Variants in HPSE2 observed in about 807,000 individuals in gnomAD.
The protein encoded by HPSE2 is inactive heparanase-2.
In HPSE2, 38 loss-of-function variants were observed where a neutral mutation model predicts 60.5. The observed-to-expected ratio is 0.63, with a 90% CI of 0.48 to 0.82. The LOEUF (loss-of-function observed/expected upper bound fraction) is 0.82, where lower values mean the gene tolerates loss of function less well. Ranked by LOEUF, HPSE2 falls within the 40% of genes least tolerant of loss-of-function variation. The pLI, the probability that HPSE2 is intolerant of heterozygous loss-of-function variation, is 0.00. For synonymous variants in HPSE2, 295 were observed against 293.2 expected (o/e 1.01, Z -0.06); for missense variants, 713 against 740.4 (o/e 0.96, Z 0.43).
intron 3 of HPSE2, among the ~76,000 whole-genome samples, chr10:99,138,744 C>T (rs111418009): frequency 0.017 from 2,513 of 151,996 alleles, 62 homozygotes; most frequent in African/African-American, 0.057. Context: ...GCCTTTTGGG[C>T]GATGGGGGGC....
At chr10:98,718,321 C>T (rs968744482) in intron 5 of HPSE2, among the ~76,000 whole-genome samples, 5 of 152,126 alleles carry the variant, frequency 3.3e-5, no homozygotes, top group African/African-American at 2.4e-5. Flanking sequence ...ATACTAAATA[C>T]GAACATGAAG....
intron 3 of HPSE2, among the ~76,000 whole-genome samples, chr10:99,103,665 C>G (rs1003976688): frequency 4.6e-5 from 7 of 152,242 alleles, no homozygotes; most frequent in Non-Finnish European, 8.8e-5. Context: ...AAAGAGAGCC[C>G]GCATTGCCAA....
intron 3 of HPSE2, among the ~76,000 whole-genome samples, chr10:98,877,404 A>C (rs1952906720): frequency 6.6e-6 from 1 of 151,916 alleles, no homozygotes; most frequent in Non-Finnish European, 1.5e-5. Context: ...GAAAAAATGC[A>C]CACTCAAACT....
chr10:98,571,616 T>C (rs2133898631), intron 9 of HPSE2, among the ~76,000 whole-genome samples: 1 of 101,876 alleles, frequency 9.8e-6, no homozygotes, highest in Non-Finnish European at 2.1e-5. Flanking sequence ...CCTAGAACTG[T>C]ATTCAATATT....
intron 3 of HPSE2, among the ~76,000 whole-genome samples, chr10:98,874,973 G>C (rs1952835346): frequency 6.6e-6 from 1 of 152,084 alleles, no homozygotes; most frequent in African/African-American, 2.4e-5. Context: ...CTTGATCGTG[G>C]TGGATAAGTT....
chr10:99,296,857 A>G, the HPSE2 span, among the ~76,000 whole-genome samples: 2 of 152,182 alleles, frequency 1.3e-5, no homozygotes, highest in African/African-American at 4.8e-5. Flanking sequence ...GCCTGCTGGC[A>G]ATCCACAGAG....
intron 3 of HPSE2, among the ~76,000 whole-genome samples, chr10:98,750,020 A>ACATTTAATGTGG (rs1489811068): frequency 2.0e-5 from 3 of 150,814 alleles, no homozygotes; most frequent in Non-Finnish European, 3.0e-5. Context: ...CATGGAGGTT[A>ACATTTAATGTGG]CATTTAATGT....
At chr10:98,715,169 C>T (rs1948761408) in intron 5 of HPSE2, among the ~76,000 whole-genome samples, 1 of 151,858 alleles carries the variant, frequency 6.6e-6, no homozygotes, top group South Asian at 2.1e-4. Context: ...TCATTCGACA[C>T]ACAAAAGTTC....
intron 3 of HPSE2, among the ~76,000 whole-genome samples, chr10:98,883,988 A>G (rs1201251670): frequency 2.6e-5 from 4 of 152,152 alleles, no homozygotes; most frequent in African/African-American, 9.7e-5. Flanking sequence ...TTGTTAATGT[A>G]AAGAAAAAAG....
upstream of HPSE2, among the ~76,000 whole-genome samples, chr10:99,240,819 AG>A (rs1849921904): frequency 6.6e-6 from 1 of 152,146 alleles, no homozygotes; most frequent in Non-Finnish European, 1.5e-5. Flanking sequence ...AAACATTCAA[AG>A]CTTAGTTTTC....
chr10:98,947,713 C>T (rs898780089), intron 3 of HPSE2, among the ~76,000 whole-genome samples: 2 of 137,188 alleles, frequency 1.5e-5, no homozygotes, highest in African/African-American at 2.5e-5. Flanking sequence ...GGTTTATGAA[C>T]AGGACTGCCC....
intron 3 of HPSE2, among the ~76,000 whole-genome samples, chr10:99,098,355 G>A (rs1358882604): frequency 6.6e-6 from 1 of 152,146 alleles, no homozygotes; most frequent in African/African-American, 2.4e-5. Context: ...TTATATCAAG[G>A]AGTTGGGCAC....
intron 2 of HPSE2, among the ~76,000 whole-genome samples, chr10:99,221,682 G>GA (rs1175402469): frequency 2.0e-5 from 3 of 152,166 alleles, no homozygotes; most frequent in African/African-American, 7.2e-5. Flanking sequence ...GTGGCAGAGG[G>GA]ATGATAAGGT....
At chr10:99,022,579 G>A (rs373287639) in intron 3 of HPSE2, among the ~76,000 whole-genome samples, 5 of 152,082 alleles carry the variant, frequency 3.3e-5, no homozygotes, top group South Asian at 2.1e-4. Flanking sequence ...TCAAGGCTCC[G>A]TAAGAGATCC....
the HPSE2 span, among the ~76,000 whole-genome samples, chr10:99,271,465 A>G: frequency 6.6e-6 from 1 of 152,210 alleles, no homozygotes; most frequent in African/African-American, 2.4e-5. Context: ...TACAAGGAAA[A>G]CTACTAAACA....
At chr10:99,264,562 TA>T in the HPSE2 span, among the ~76,000 whole-genome samples, 2 of 152,106 alleles carry the variant, frequency 1.3e-5, no homozygotes, top group Admixed American at 6.5e-5. Flanking sequence ...TATGACAACA[TA>T]AAAAAACTCA....
At chr10:99,172,746 C>G (rs183656436) in intron 2 of HPSE2, among the ~76,000 whole-genome samples, 2 of 152,012 alleles carry the variant, frequency 1.3e-5, no homozygotes, top group Non-Finnish European at 2.9e-5. Context: ...GGTGTGGTGG[C>G]GCATGCTTGT....
chr10:99,089,289 A>G (rs1843433339), intron 3 of HPSE2, among the ~76,000 whole-genome samples: 1 of 152,118 alleles, frequency 6.6e-6, no homozygotes, highest in African/African-American at 2.4e-5. Flanking sequence ...TATCTTCTAG[A>G]ATCTTTATGG....
intron 2 of HPSE2, among the ~76,000 whole-genome samples, chr10:99,190,508 G>A (rs912645546): frequency 6.6e-6 from 1 of 152,178 alleles, no homozygotes; most frequent in Non-Finnish European, 1.5e-5. Flanking sequence ...CGTCCACACA[G>A]TTAGAGTTCA....
Sources: gnomAD v4.1 joint callset for allele counts (sites outside exome capture counted in the v4.1 genomes callset) on GRCh38, gnomAD v4.1.1 for gene constraint, MANE v1.5 for transcripts, NCBI Gene and HGNC (gene_info 2026-07-23, HGNC 2026-07-21) for gene names.